The following TPGS1 variants were observed in gnomAD, a reference collection of about 807,000 sequenced individuals.
TPGS1 encodes gene trap ROSA b-geo 22.
Under a neutral mutation model 11.9 loss-of-function variants are expected in TPGS1, and 18 were observed. That is an observed-to-expected ratio of 1.51 (90% CI 1.04 to 2.24). TPGS1 has a LOEUF of 2.24. Among genes scored for constraint, TPGS1 ranks in the 30% most tolerant of loss-of-function variants. The pLI is 0.00. For missense variants in TPGS1, 500 were observed against 443.0 expected, an observed-to-expected ratio of 1.13 and a Z score of -1.16; for synonymous variants, 247 against 218.2, an observed-to-expected ratio of 1.13 and a Z score of -1.16.
In TPGS1 at chr19:519,361, C is replaced by G. The variant is rs1240345953; in HGVS notation, c.811C>G (p.Arg271Gly). Residue 271 changes from arginine to glycine, a missense_variant, in exon 2 of 2, where the codon CGC becomes GGC. Transcript: ENST00000359315. ...GCGGCGGCCCAGCGCGCCCATGACC[C>G]GCGAGGAGTTTCTGGAGAGGGCCGC... is the stretch of plus-strand genomic sequence containing the variant. ...GGRRPSAPMTREEFLERAAAL... is the reference protein window; with the variant it reads ...GGRRPSAPMTGEEFLERAAAL... 4 of 1,216,090 alleles carry G rather than the reference C, an allele frequency of 3.3e-6. No individual in the cohort carries two copies. Among genetic ancestry groups the G allele is most frequent in the South Asian group, 3.7e-5 (1 of 27,328 alleles). The allele number at this position is 1,216,090 out of a possible 1,614,324, so 75.3% of individuals were successfully genotyped here.
rs919143505 is a variant in TPGS1, at chr19:519,332, G to A, written c.782G>A (p.Gly261Glu). ...GCGCTGGCGCTGGACCGCGCCGTCG[G>A]GGGGCGGCGGCCCAGCGCGCCCATG... ...SLALALDRAV[G>E]GRRPSAPMTR... The change falls in exon 2 of 2, where the codon GGG becomes GAG. Residue 261 changes from glycine (G) to glutamate (E), a missense_variant. By Grantham distance (98) the Gly-to-Glu change is moderately conservative. Coordinates refer to ENST00000359315, the MANE Select transcript of TPGS1 (RefSeq NM_033513.3). The A allele has an allele frequency of 5.9e-6, 7 of 1,196,146 alleles. No homozygotes were observed. Among genetic ancestry groups the A allele is most frequent in the Middle Eastern group, 2.9e-4 (1 of 3,420 alleles). The allele number at this position is 1,196,146 out of a possible 1,614,324, so 74.1% of individuals were successfully genotyped here.
chr19:514,909 C>T (rs938680345), intron 1 of TPGS1, among the ~76,000 whole-genome samples: 9 of 152,204 alleles, frequency 5.9e-5, no homozygotes, highest in Admixed American at 5.2e-4. Flanking sequence ...GTGCCCTCCA[C>T]GGGAGTGTGT....
At chr19:514,461 C>T (rs186719970) in intron 1 of TPGS1, among the ~76,000 whole-genome samples, 38 of 152,072 alleles carry the variant, frequency 2.5e-4, no homozygotes, top group African/African-American at 8.7e-4. Context: ...CATTCTGGCC[C>T]AGCATCACTG....
In TPGS1 at chr19:518,970, GCGCAC is replaced by G. The variant is rs1568324099; in HGVS notation, c.422_426del (p.Arg141LeufsTer30). On this transcript the variant is annotated frameshift_variant, in exon 2 of 2. Transcript: ENST00000359315. LOFTEE classifies it high-confidence loss of function. ...GCAGGAAGAGGCCGGGGCTGGACGG[GCGCAC>G]CTACAGCGAGCTGCTCAGGCGCATC... 11 of 1,586,954 alleles carry G rather than the reference GCGCAC, an allele frequency of 6.9e-6. No homozygotes were observed. The highest frequency in any genetic ancestry group is 9.4e-6 in the Non-Finnish European group (11 of 1,173,998).
chr19:507,586 G>T lies in TPGS1; in HGVS notation c.80G>T (p.Arg27Leu). The change falls in exon 1 of 2, where the codon CGG (arginine) becomes CTG (leucine). Residue 27 changes from arginine to leucine, a missense_variant. Arg to Leu is a moderately radical substitution (Grantham distance 102). Coordinates refer to ENST00000359315, the MANE Select transcript of TPGS1 (RefSeq NM_033513.3). ...GACAGCGGCCGCCAGTCGGTATCCC[G>T]GGCGGCGGGGGCGGCCGAGAGCGAG... is the stretch of plus-strand genomic sequence containing the variant. ...FTDSGRQSVS[R>L]AAGAAESEED... 7.2e-7 allele frequency: 1 copy of T among 1,394,850 alleles called. No individual in the cohort carries two copies. The highest frequency in any genetic ancestry group is 2.9e-5 in the East Asian group (1 of 33,914). The allele number at this position is 1,394,850 out of a possible 1,614,324, so 86.4% of individuals were successfully genotyped here.
chr19:508,695 G>C (rs996243553), intron 1 of TPGS1: 1 of 152,562 alleles, frequency 6.6e-6, no homozygotes, highest in African/African-American at 2.4e-5. Context: ...GCCAAGCAAA[G>C]GTGCCCTTTC....
At chr19:510,770 C>T (rs183946191) in intron 1 of TPGS1, among the ~76,000 whole-genome samples, 4 of 152,318 alleles carry the variant, frequency 2.6e-5, no homozygotes, top group Non-Finnish European at 5.9e-5. Context: ...CTGCACTGCC[C>T]CCTGCAGGTC....
At chr19:518,137 G>A (rs1979020933) in intron 1 of TPGS1, among the ~76,000 whole-genome samples, 1 of 119,504 alleles carries the variant, frequency 8.4e-6, no homozygotes, top group African/African-American at 3.4e-5. Flanking sequence ...GGCCAGGCTG[G>A]GTGGGAGCTG....
rs1276458673 is a variant in TPGS1 at position 519,611 on chromosome 19, C to A, written c.*188C>A. 8 of 374,638 alleles carry A rather than the reference C, an allele frequency of 2.1e-5. No homozygotes were observed. The highest frequency in any genetic ancestry group is 1.3e-4 in the South Asian group (1 of 7,578). 23.2% of individuals were successfully genotyped at this position (374,638 alleles called of 1,614,324 possible). On this transcript the variant is annotated 3_prime_UTR_variant, in exon 2 of 2. Coordinates refer to ENST00000359315, the MANE Select transcript of TPGS1 (RefSeq NM_033513.3). ...CGCCGCGGCCGCCCCTCCACCCCCGCGGGAGCCCCTGCCCCACGCTAATAA... is the reference window on the plus strand; with the variant it reads ...CGCCGCGGCCGCCCCTCCACCCCCGAGGGAGCCCCTGCCCCACGCTAATAA...
chr19:511,696 C>A (rs959426972), intron 1 of TPGS1, among the ~76,000 whole-genome samples: 2 of 152,276 alleles, frequency 1.3e-5, no homozygotes, highest in African/African-American at 4.8e-5. Context: ...AGGGCTGCCG[C>A]CCCCAGAGAG....
intron 1 of TPGS1, chr19:508,084 C>G (rs1445389287): frequency 2.6e-6 from 1 of 390,550 alleles, no homozygotes; most frequent in African/African-American, 2.1e-5. Flanking sequence ...GCTTCGCCTT[C>G]TGTGATGCCT....
intron 1 of TPGS1, among the ~76,000 whole-genome samples, chr19:516,643 A>G (rs369261526): frequency 4.6e-5 from 7 of 152,280 alleles, no homozygotes; most frequent in South Asian, 2.1e-4. Flanking sequence ...TCGGCCTCCC[A>G]AAGTGCTGGG....
chr19:516,248 A>C (rs1445679658), intron 1 of TPGS1, among the ~76,000 whole-genome samples: 1 of 152,182 alleles, frequency 6.6e-6, no homozygotes, highest in African/African-American at 2.4e-5. Context: ...CTGGACATAC[A>C]TCCAGAAAGT....
intron 1 of TPGS1, among the ~76,000 whole-genome samples, chr19:517,161 G>A (rs1037939689): frequency 6.6e-6 from 1 of 151,522 alleles, no homozygotes; most frequent in Non-Finnish European, 1.5e-5. Flanking sequence ...GGGACAGCGA[G>A]TGAGACAGGA....
intron 1 of TPGS1, among the ~76,000 whole-genome samples, chr19:512,680 G>A (rs545399559): frequency 4.6e-5 from 7 of 152,368 alleles, no homozygotes; most frequent in Admixed American, 4.6e-4. Flanking sequence ...CCGCGGAGCA[G>A]CGCTGCCGTC....
rs922197441 is a variant in TPGS1, at chr19:508,027, T to G, written c.338+183T>G. On this transcript the variant is annotated intron_variant, in intron 1 of 1. Transcript: ENST00000359315. ...GTGGGCTGGAGGGTCCGGGCTTCGG[T>G]CCGGCGCTAGGCAGCGCGCTGCATG... 3 of 454,984 alleles carry G rather than the reference T, an allele frequency of 6.6e-6. No individual in the cohort carries two copies. The Admixed American group carries it at 1.3e-4, about 20-fold the overall frequency. The allele number at this position is 454,984 out of a possible 1,614,324, so 28.2% of individuals were successfully genotyped here.
At position 507,760 on chromosome 19, in the gene TPGS1, G is replaced by A. The variant is rs754396896; in HGVS notation, c.254G>A (p.Gly85Glu). Reference sequence around the variant, plus strand: ...CGCTCGCCTGTAAACGGCGGCGCCGGGGAGCCCCCGGGCCAGCTCCTGCTG... The same window carrying A: ...CGCTCGCCTGTAAACGGCGGCGCCGAGGAGCCCCCGGGCCAGCTCCTGCTG... The part of the protein sequence containing the change: ...GLRSPVNGGA[G>E]EPPGQLLLQQ... The change falls in exon 1 of 2, where the codon GGG (glycine) becomes GAG (glutamate). Residue 85 changes from glycine to glutamate, a missense_variant. By Grantham distance (98) the Gly-to-Glu change is moderately conservative. Transcript: ENST00000359315. 2 of 1,393,500 alleles carry A rather than the reference G, an allele frequency of 1.4e-6. No homozygotes were observed. Among genetic ancestry groups the A allele is most frequent in the East Asian group, 3.0e-5 (1 of 33,210 alleles). 86.3% of individuals were successfully genotyped at this position (1,393,500 alleles called of 1,614,324 possible). A position where few individuals can be genotyped will look rare whatever the true frequency, so the allele number is the denominator to read the frequency against.
chr19:519,102 C>A lies in TPGS1; in HGVS notation c.552C>A (p.Gly184=). The change falls in exon 2 of 2, where the codon GGC becomes GGA. Residue 184 remains glycine, a synonymous_variant. Coordinates refer to ENST00000359315, the MANE Select transcript of TPGS1 (RefSeq NM_033513.3). The stretch of plus-strand genomic sequence containing the variant: ...TGCCGCTGAGCGTCTTCCGCGCGGG[C>A]ACACTCACCTGCTTCGTGCTGCTGG... ...EAVPLSVFRA[G]TLTCFVLLEF... 2 of 1,532,972 alleles carry A rather than the reference C, an allele frequency of 1.3e-6. No homozygotes were observed. The highest frequency in any genetic ancestry group is 8.7e-7 in the Non-Finnish European group (1 of 1,145,980). 95.0% of individuals were successfully genotyped at this position (1,532,972 alleles called of 1,614,324 possible). A position where few individuals can be genotyped will look rare whatever the true frequency, so the allele number is the denominator to read the frequency against.
intron 1 of TPGS1, among the ~76,000 whole-genome samples, chr19:512,571 G>C (rs540700388): frequency 7.6e-4 from 116 of 152,332 alleles, no homozygotes; most frequent in Non-Finnish European, 1.3e-3. Flanking sequence ...CGCTGAAAGT[G>C]GGCCACGCCC....
Sources: gnomAD v4.1 joint callset for allele counts (sites outside exome capture counted in the v4.1 genomes callset) on GRCh38, gnomAD v4.1.1 for gene constraint, MANE v1.5 for transcripts, NCBI Gene and HGNC (gene_info 2026-07-23, HGNC 2026-07-21) for gene names.